The following RCOR1 variants were observed in gnomAD, a reference collection of about 807,000 sequenced individuals.
The protein encoded by RCOR1 is REST corepressor.
RCOR1 carries 12 observed loss-of-function variants against 64.0 expected under a neutral mutation model. The ratio of observed to expected loss-of-function variants is 0.19; its 90% confidence interval spans 0.12 to 0.30. The LOEUF is 0.30. Among genes scored for constraint, RCOR1 ranks in the 10% least tolerant of loss-of-function variants. RCOR1 has a pLI of 1.00. For synonymous variants in RCOR1, 279 were observed against 227.2 expected, an observed-to-expected ratio of 1.23 and a Z score of -2.05; for missense variants, 502 against 621.2, an observed-to-expected ratio of 0.81 and a Z score of 2.04.
intron 2 of RCOR1, among the ~76,000 whole-genome samples, chr14:102,667,702 A>G (rs1894943524): frequency 6.6e-6 from 1 of 152,102 alleles, no homozygotes; most frequent in Non-Finnish European, 1.5e-5. Context: ...AGAAAAGTCG[A>G]AGAGATTAGT....
In RCOR1 at chr14:102,714,597, T is replaced by C. The variant is rs776599955; in HGVS notation, c.1033T>C (p.Leu345=). 7 of 1,609,342 alleles carry C rather than the reference T, an allele frequency of 4.3e-6. No homozygotes were observed. In the African/African-American group the frequency reaches 5.4e-5, roughly 12 times the overall value. ...TTVLRQLDME[L]VSVKRQIQNI... ...GGTGCTGAGACAACTAGACATGGAA[T>C]TGGTTTCAGTCAAACGACAGGTACT... The change falls in exon 8 of 12, where the codon TTG becomes CTG. Residue 345 remains leucine (L), a synonymous_variant. Coordinates refer to ENST00000262241, the MANE Select transcript of RCOR1 (RefSeq NM_015156.4).
At chr14:102,619,258 A>G (rs1444913921) in intron 2 of RCOR1, among the ~76,000 whole-genome samples, 5 of 152,074 alleles carry the variant, frequency 3.3e-5, no homozygotes, top group Non-Finnish European at 1.5e-5. Context: ...AGTAGCTGGG[A>G]TTGCAGGCGT....
At chr14:102,669,274 A>G (rs1280870879) in intron 2 of RCOR1, among the ~76,000 whole-genome samples, 2 of 150,606 alleles carry the variant, frequency 1.3e-5, no homozygotes, top group Non-Finnish European at 2.9e-5. Context: ...GCGCCACTGC[A>G]CTCCAGCCTA....
chr14:102,649,762 T>C, intron 2 of RCOR1: 2 of 984,384 alleles, frequency 2.0e-6, no homozygotes. Context: ...ATTTAGTTGC[T>C]TATATTAGCT....
intron 2 of RCOR1, chr14:102,657,896 T>G: frequency 1.0e-6 from 1 of 985,004 alleles, no homozygotes; most frequent in Non-Finnish European, 1.2e-6. Context: ...ACAGGCCAGT[T>G]TCCCATTATA....
chr14:102,597,856 G>T (rs1429173896), intron 2 of RCOR1, among the ~76,000 whole-genome samples: 2 of 144,580 alleles, frequency 1.4e-5, no homozygotes, highest in African/African-American at 5.2e-5. Flanking sequence ...TTCTCTTGTT[G>T]CTCAGGCTGG....
intron 2 of RCOR1, among the ~76,000 whole-genome samples, chr14:102,596,754 GC>G (rs1265036756): frequency 6.6e-6 from 1 of 151,732 alleles, no homozygotes; most frequent in Non-Finnish European, 1.5e-5. Flanking sequence ...TATTAGAGAT[GC>G]GGTTTCACCA....
chr14:102,597,237 C>T (rs1005521138), intron 2 of RCOR1, among the ~76,000 whole-genome samples: 5 of 151,896 alleles, frequency 3.3e-5, no homozygotes, highest in South Asian at 2.1e-4. Context: ...GAGAGGTGGA[C>T]GTGAAACTTA....
At chr14:102,725,604 T>C (rs963820863) in intron 11 of RCOR1, among the ~76,000 whole-genome samples, 1 of 152,106 alleles carries the variant, frequency 6.6e-6, no homozygotes, top group Non-Finnish European at 1.5e-5. Context: ...GACGGAGTCT[T>C]GTTCTGTTGC....
chr14:102,601,949 A>G (rs2139880652), intron 2 of RCOR1, among the ~76,000 whole-genome samples: 1 of 152,162 alleles, frequency 6.6e-6, no homozygotes, highest in African/African-American at 2.4e-5. Context: ...ACCTGAGATC[A>G]GGAGTTCGAG....
chr14:102,593,378 C>T, intron 2 of RCOR1, 53 bp downstream of exon 2: 3 of 1,453,476 alleles, frequency 2.1e-6, no homozygotes, highest in Non-Finnish European at 2.7e-6. Context: ...AGCCCCGGGT[C>T]CCCGGCGAGC....
chr14:102,616,488 C>G (rs1458091638), intron 2 of RCOR1, among the ~76,000 whole-genome samples: 1 of 151,994 alleles, frequency 6.6e-6, no homozygotes, highest in African/African-American at 2.4e-5. Flanking sequence ...CCAGGCTGGT[C>G]TTGAACTCCT....
chr14:102,665,186 G>A (rs1167296893), intron 2 of RCOR1, among the ~76,000 whole-genome samples: 1 of 151,926 alleles, frequency 6.6e-6, no homozygotes, highest in Non-Finnish European at 1.5e-5. Flanking sequence ...TGTGTTTTTA[G>A]TAGAGATAGA....
intron 2 of RCOR1, among the ~76,000 whole-genome samples, chr14:102,599,220 C>G (rs938196947): frequency 3.3e-5 from 5 of 151,880 alleles, no homozygotes. Flanking sequence ...ACCTCCTGGG[C>G]GCACACTATC....
intron 2 of RCOR1, among the ~76,000 whole-genome samples, chr14:102,621,713 A>G (rs113171628): frequency 1.3e-3 from 43 of 33,784 alleles, no homozygotes; most frequent in African/African-American, 2.1e-3. Flanking sequence ...AATCACTTAA[A>G]TGAATGAATG....
chr14:102,649,990 G>A (rs2139928480), intron 2 of RCOR1, among the ~76,000 whole-genome samples: 1 of 151,922 alleles, frequency 6.6e-6, no homozygotes, highest in South Asian at 2.1e-4. Context: ...ACGAGGTCAG[G>A]AGATGAGACC....
intron 2 of RCOR1, among the ~76,000 whole-genome samples, chr14:102,595,890 T>C (rs4906231): frequency 0.8 from 121,045 of 151,988 alleles, 48,455 homozygotes; most frequent in Middle Eastern, 0.87. Context: ...CAAATTTCTT[T>C]ATTTTGTGTT....
chr14:102,701,045 C>G (rs1445517901), intron 3 of RCOR1, among the ~76,000 whole-genome samples: 1 of 152,164 alleles, frequency 6.6e-6, no homozygotes, highest in Non-Finnish European at 1.5e-5. Flanking sequence ...GTGAGACTTA[C>G]TAACAGGAGA....
intron 2 of RCOR1, chr14:102,651,076 A>G: frequency 1.0e-6 from 1 of 984,990 alleles, no homozygotes; most frequent in Non-Finnish European, 1.2e-6. Context: ...TGCACAGTAC[A>G]TTGTTGACTA....
Sources: allele counts gnomAD v4.1 joint callset (sites outside exome capture counted in the v4.1 genomes callset), GRCh38; gene constraint gnomAD v4.1.1; transcripts MANE v1.5; gene names NCBI Gene and HGNC (gene_info 2026-07-23, HGNC 2026-07-21).